SAMD3: variants seen among roughly 807,000 people sequenced by gnomAD.
SAMD3 encodes sterile alpha motif domain-containing protein 3.
Under a neutral mutation model 58.5 loss-of-function variants are expected in SAMD3, and 63 were observed. The ratio of observed to expected loss-of-function variants is 1.08; its 90% confidence interval spans 0.88 to 1.33. SAMD3 has a LOEUF of 1.33. Among genes scored for constraint, SAMD3 ranks in the 40% most tolerant of loss-of-function variants. SAMD3 has a pLI of 0.00. For synonymous variants in SAMD3, 220 were observed against 210.3 expected (o/e 1.05, Z -0.40); for missense variants, 604 against 608.4 (o/e 0.99, Z 0.08).
chr6:130,186,830 G>T (rs1793019863), intron 5 of SAMD3, among the ~76,000 whole-genome samples: 2 of 143,864 alleles, frequency 1.4e-5, no homozygotes, highest in South Asian at 4.4e-4. Flanking sequence ...GAGTGCAGTG[G>T]TGCAATCTCG....
chr6:130,206,523 C>T (rs892387433), intron 5 of SAMD3, among the ~76,000 whole-genome samples: 1 of 152,186 alleles, frequency 6.6e-6, no homozygotes, highest in Non-Finnish European at 1.5e-5. Flanking sequence ...CTGGGAAATG[C>T]TTTTCTCACA....
intron 9 of SAMD3, among the ~76,000 whole-genome samples, chr6:130,150,396 A>G (rs1789046608): frequency 6.6e-6 from 1 of 152,174 alleles, no homozygotes; most frequent in Admixed American, 6.5e-5. Flanking sequence ...TCCAGGAACC[A>G]AGAGTTGGAA....
intron 2 of SAMD3, among the ~76,000 whole-genome samples, chr6:130,254,816 A>C (rs903359593): frequency 2.6e-5 from 4 of 152,084 alleles, no homozygotes; most frequent in African/African-American, 9.7e-5. Flanking sequence ...TTTTTGGGAA[A>C]TTTTTGAAGA....
intron 2 of SAMD3, among the ~76,000 whole-genome samples, chr6:130,253,395 T>C (rs927496506): frequency 1.3e-5 from 2 of 152,186 alleles, no homozygotes; most frequent in African/African-American, 4.8e-5. Context: ...CCTAAAATTC[T>C]TTTTCAATAG....
intron 7 of SAMD3, among the ~76,000 whole-genome samples, chr6:130,183,861 G>C (rs750996623): frequency 1.3e-5 from 2 of 151,958 alleles, no homozygotes; most frequent in Non-Finnish European, 2.9e-5. Flanking sequence ...GAGAGAGAGC[G>C]CAAAGTCAAG....
chr6:130,207,998 C>T (rs1032033426), intron 5 of SAMD3, among the ~76,000 whole-genome samples: 4 of 152,252 alleles, frequency 2.6e-5, no homozygotes, highest in African/African-American at 9.6e-5. Context: ...CCCCTGAGCT[C>T]TCACGCTGAG....
intron 2 of SAMD3, among the ~76,000 whole-genome samples, chr6:130,274,363 GGAATGCAACATTCTCA>G (rs1774695415): frequency 1.3e-5 from 2 of 152,220 alleles, no homozygotes; most frequent in Admixed American, 1.3e-4. Flanking sequence ...GAATGTACAG[GGAATGCAACATTCTCA>G]GATAGGGAGG....
In SAMD3 at chr6:130,184,430, T is replaced by G; in HGVS notation, c.569+8A>C. 6.2e-7 allele frequency: 1 copy of G among 1,612,168 alleles called. No individual in the cohort carries two copies. Among genetic ancestry groups the G allele is most frequent in the Non-Finnish European group, 8.5e-7 (1 of 1,178,810 alleles). ...CCAAAGCAGCAAGCTTGTCCTGTTG[T>G]CACTCACAGTGAGCCTTCCAGATAC... On this transcript the variant is annotated splice_region_variant and intron_variant, in intron 6 of 11. Transcript: ENST00000439090.
chr6:130,176,116 T>G, intron 7 of SAMD3, 108 bp from the exon 8 acceptor site: 1 of 854,706 alleles, frequency 1.2e-6, no homozygotes, highest in Non-Finnish European at 1.9e-6. Flanking sequence ...GGGCTTGAAA[T>G]TATTTTCACA....
chr6:130,145,197 G>A (rs930138987), intron 11 of SAMD3, 143 bp downstream of exon 11: 1 of 452,876 alleles, frequency 2.2e-6, no homozygotes, highest in Non-Finnish European at 3.8e-6. Flanking sequence ...GGTGGAGGCT[G>A]CAGTGAGCCA....
rs1157403711 is a variant in SAMD3 at position 130,244,746 on chromosome 6, AATAAAAAT to A, written c.-187-21941_-187-21934del. Among the ~76,000 whole-genome samples the A allele has an allele frequency of 7.3e-3, 344 of 47,138 alleles. 3 individuals carry two copies. In the African/African-American group the frequency reaches 0.11, roughly 16 times the overall value. 30.9% of individuals were successfully genotyped at this position (47,138 alleles called of 152,430 possible). On this transcript the variant is annotated intron_variant, in intron 2 of 13. Coordinates refer to the SAMD3 transcript ENST00000368134. ...CAGGACGAGCCTGTCTCAAAAAAAA[AATAAAAAT>A]AAAAATAAAAATAAAAATAAAAATA...
chr6:130,229,336 G>T (rs966890760), intron 2 of SAMD3, among the ~76,000 whole-genome samples: 2 of 152,120 alleles, frequency 1.3e-5, no homozygotes, highest in African/African-American at 2.4e-5. Context: ...CCTTAGCAGC[G>T]CCCATGTCGT....
intron 5 of SAMD3, among the ~76,000 whole-genome samples, chr6:130,186,767 A>AT (rs35592601): frequency 0.097 from 10,349 of 106,948 alleles, 1,053 homozygotes; most frequent in African/African-American, 0.13. Context: ...CCTTCCTGGG[A>AT]TTTTTTTTTT....
At position 130,209,489 on chromosome 6, in the gene SAMD3, C is replaced by T. The variant is rs748908286; in HGVS notation, c.383+6G>A. The T allele has an allele frequency of 1.3e-6, 2 of 1,519,388 alleles. No individual in the cohort carries two copies. Among genetic ancestry groups the T allele is most frequent in the Non-Finnish European group, 1.8e-6 (2 of 1,094,658 alleles). The allele number at this position is 1,519,388 out of a possible 1,614,324, so 94.1% of individuals were successfully genotyped here. A position where few individuals can be genotyped will look rare whatever the true frequency, so the allele number is the denominator to read the frequency against. On this transcript the variant is annotated splice_donor_region_variant and intron_variant, in intron 5 of 11. Transcript: ENST00000439090. ...CTTTAAACTGTCTTAAAGTTGGTAC[C>T]CCCACCTCTGTTTCAATACTCTTTG...
chr6:130,245,734 C>A (rs1773519968), intron 2 of SAMD3, among the ~76,000 whole-genome samples: 1 of 152,196 alleles, frequency 6.6e-6, no homozygotes, highest in African/African-American at 2.4e-5. Flanking sequence ...TAAAACTCTA[C>A]ATAACAGGGT....
intron 2 of SAMD3, among the ~76,000 whole-genome samples, chr6:130,293,521 G>A (rs1286569262): frequency 6.6e-6 from 1 of 151,564 alleles, no homozygotes; most frequent in African/African-American, 2.4e-5. Flanking sequence ...ACCTTTTTGT[G>A]ACCATGTTTT....
Position 130,146,098 on chromosome 6 carries a change from T to C in SAMD3, c.1107A>G (p.Ile369Met). ...RHILESYSEN[I>M]LTSFSVVDNP... ...TGTCCACCACTGAAAAAGAAGTCAG[T>C]ATATTTTCTGAATAGGATTCCAAAA... The change falls in exon 10 of 12, where the codon ATA (isoleucine) becomes ATG (methionine). Residue 369 changes from isoleucine (I) to methionine (M), a missense_variant. Ile to Met is a conservative substitution (Grantham distance 10). Transcript: ENST00000439090. The C allele has an allele frequency of 1.2e-6, 2 of 1,601,196 alleles. No homozygotes were observed. Among genetic ancestry groups the C allele is most frequent in the South Asian group, 1.1e-5 (1 of 88,806 alleles).
intron 1 of SAMD3, among the ~76,000 whole-genome samples, chr6:130,316,421 C>A (rs1481903666): frequency 6.6e-6 from 1 of 151,474 alleles, no homozygotes; most frequent in Non-Finnish European, 1.5e-5. Flanking sequence ...GAAGAGTGTG[C>A]TATAGGTTAT....
intron 7 of SAMD3, among the ~76,000 whole-genome samples, chr6:130,181,606 A>AT (rs1305802176): frequency 6.6e-6 from 1 of 152,248 alleles, no homozygotes; most frequent in African/African-American, 2.4e-5. Flanking sequence ...TACTTTGTAC[A>AT]TGTCTCACTT....
Sources: gnomAD v4.1 joint callset for allele counts (sites outside exome capture counted in the v4.1 genomes callset) on GRCh38, gnomAD v4.1.1 for gene constraint, MANE v1.5 for transcripts, NCBI Gene and HGNC (gene_info 2026-07-23, HGNC 2026-07-21) for gene names.